DENND2B: variants seen among roughly 807,000 people sequenced by gnomAD.
DENND2B encodes the protein DENN domain-containing protein 2B.
DENND2B carries 32 observed loss-of-function variants against 116.0 expected under a neutral mutation model. That is an observed-to-expected ratio of 0.28 (90% CI 0.21 to 0.37). The LOEUF (loss-of-function observed/expected upper bound fraction) is 0.37, where lower values mean the gene tolerates loss of function less well. Ranked by LOEUF, DENND2B falls within the 10% of genes least tolerant of loss-of-function variation. The pLI is 1.00. For missense variants in DENND2B, 1,276 were observed against 1,477.7 expected (o/e 0.86, Z 2.24); for synonymous variants, 588 against 583.9 (o/e 1.01, Z -0.10).
intron 1 of DENND2B, among the ~76,000 whole-genome samples, chr11:8,904,292 T>G (rs891210869): frequency 6.6e-5 from 10 of 152,190 alleles, no homozygotes; most frequent in African/African-American, 2.4e-4. Flanking sequence ...ATCACATCAA[T>G]GGACATACAA....
intron 1 of DENND2B, among the ~76,000 whole-genome samples, chr11:8,767,179 C>A (rs901653672): frequency 1.3e-5 from 2 of 152,140 alleles, no homozygotes; most frequent in Non-Finnish European, 2.9e-5. Flanking sequence ...GAGGGACAGA[C>A]TATCAGTTTG....
rs971755978 is a variant in DENND2B at position 8,736,510 on chromosome 11, A to G, written c.81-5301T>C. Among the ~76,000 whole-genome samples the G allele has an allele frequency of 1.1e-4, 17 of 152,332 alleles. No individual in the cohort carries two copies. In the South Asian group the frequency reaches 1.9e-3, roughly 17 times the overall value. On this transcript the variant is annotated intron_variant, in intron 2 of 19. Coordinates refer to ENST00000313726, the MANE Select transcript of DENND2B (RefSeq NM_213618.2). ...ACTCTGTGAGACGGTTTGGGGGCCA[A>G]TAAAGAAGAATAAAGAAGGGGAAAG...
In DENND2B at chr11:8,701,279, C is replaced by T. The variant is rs1337825558; in HGVS notation, c.2720+1293G>A. 2.1e-5 allele frequency among the ~76,000 whole-genome samples: 3 copies of T among 143,150 alleles called. No homozygotes were observed. The Admixed American group carries it at 2.3e-4, about 11-fold the overall frequency. The allele number at this position is 143,150 out of a possible 152,430, so 93.9% of individuals were successfully genotyped here. A position where few individuals can be genotyped will look rare whatever the true frequency, so the allele number is the denominator to read the frequency against. ...AGCATGGCTGCCCCGCATATTCCCA[C>T]GTGTGTAGAACATCAGGCGCCCTAC... On this transcript the variant is annotated intron_variant, in intron 14 of 19. Transcript: ENST00000313726.
intron 2 of DENND2B, among the ~76,000 whole-genome samples, chr11:8,865,370 C>A (rs1044693910): frequency 6.6e-6 from 1 of 152,132 alleles, no homozygotes; most frequent in Non-Finnish European, 1.5e-5. Flanking sequence ...CTCCAAAAGG[C>A]TCCTTCCAGT....
chr11:8,746,059 A>G (rs900875252), intron 2 of DENND2B, among the ~76,000 whole-genome samples: 1 of 151,666 alleles, frequency 6.6e-6, no homozygotes, highest in Non-Finnish European at 1.5e-5. Context: ...TACTGACAGC[A>G]TCATGGTTGG....
chr11:8,697,607 C>T lies in DENND2B; in HGVS notation c.2970G>A (p.Arg990=). The change falls in exon 17 of 20, where the codon AGG becomes AGA. Residue 990 remains arginine (R), a synonymous_variant. Transcript: ENST00000313726. ...CCTGCTCCAGAGCTGCCTGTAACTT[C>T]CTAGGTAACAACGTGTCTTCGTCGT... ...QMDDEDTLLP[R]KLQAALEQAL... is the part of the protein sequence containing the mutation. The T allele has an allele frequency of 6.2e-7, 1 of 1,614,200 alleles. No homozygotes were observed. The highest frequency in any genetic ancestry group is 2.2e-5 in the East Asian group (1 of 44,888).
intron 8 of DENND2B, among the ~76,000 whole-genome samples, chr11:8,713,566 G>A (rs769030247): frequency 8.5e-5 from 13 of 152,142 alleles, no homozygotes; most frequent in Non-Finnish European, 5.9e-5. Flanking sequence ...TATTTTAGTA[G>A]AGATGGGGTT....
At chr11:8,860,732 C>T (rs1317232122) in intron 2 of DENND2B, among the ~76,000 whole-genome samples, 1 of 152,064 alleles carries the variant, frequency 6.6e-6, no homozygotes, top group Admixed American at 6.6e-5. Flanking sequence ...GCCCAAATAG[C>T]CAAAGCAATC....
At chr11:8,785,121 T>C (rs1010155104) in intron 1 of DENND2B, 17 of 152,090 alleles carry the variant, frequency 1.1e-4, no homozygotes, top group East Asian at 3.9e-4. Context: ...CGGGTGTCCA[T>C]TGAAATTAAG....
At chr11:8,776,156 GCGCGCACACACACA>G (rs1763536399) in intron 1 of DENND2B, 376 of 317,538 alleles carry the variant, frequency 1.2e-3, no homozygotes, top group Middle Eastern at 2.9e-3. Flanking sequence ...GCACGCGCGC[GCGCGCACACACACA>G]CACACACACA....
intron 1 of DENND2B, among the ~76,000 whole-genome samples, chr11:8,781,615 TACAC>T (rs35118063): frequency 0.01 from 1,510 of 148,518 alleles, 27 homozygotes; most frequent in African/African-American, 0.034. Flanking sequence ...AATTTAGGAA[TACAC>T]ACACACACAC....
At chr11:8,860,912 A>G in intron 2 of DENND2B, among the ~76,000 whole-genome samples, 1 of 152,188 alleles carries the variant, frequency 6.6e-6, no homozygotes, top group African/African-American at 2.4e-5. Context: ...CCTTCAACAA[A>G]GCAAACAAAA....
intron 9 of DENND2B, chr11:8,711,771 G>C: frequency 3.6e-6 from 1 of 276,962 alleles, no homozygotes; most frequent in South Asian, 3.6e-5. Flanking sequence ...GGAGGCTGAG[G>C]CAGGAGAATC....
At chr11:8,816,935 A>G (rs2061588361) in intron 4 of DENND2B, among the ~76,000 whole-genome samples, 1 of 152,076 alleles carries the variant, frequency 6.6e-6, no homozygotes, top group African/African-American at 2.4e-5. Context: ...CAGCAGAAAG[A>G]CTCCTTTCAG....
At chr11:8,901,778 GT>G (rs1435605238) in intron 1 of DENND2B, among the ~76,000 whole-genome samples, 1 of 152,136 alleles carries the variant, frequency 6.6e-6, no homozygotes, top group East Asian at 1.9e-4. Context: ...TCCCCAAATT[GT>G]CTATTGTTGA....
At chr11:8,731,433 C>G (rs192400135) in intron 2 of DENND2B, among the ~76,000 whole-genome samples, 1 of 152,316 alleles carries the variant, frequency 6.6e-6, no homozygotes, top group Non-Finnish European at 1.5e-5. Flanking sequence ...CCCAAACCAT[C>G]CCCAGGCACC....
chr11:8,740,537 T>C (rs1227896516), intron 2 of DENND2B, among the ~76,000 whole-genome samples: 1 of 152,094 alleles, frequency 6.6e-6, no homozygotes, highest in Non-Finnish European at 1.5e-5. Flanking sequence ...CAAGTGTTAG[T>C]AACAAGAAGG....
Position 8,909,406 on chromosome 11 carries a change from GGAA to G in DENND2B, c.-256+1412_-256+1414del, listed in dbSNP as rs1371635786. Among the ~76,000 whole-genome samples, 722 of 124,774 alleles carry G rather than the reference GGAA, an allele frequency of 5.8e-3. 5 individuals are homozygous for G. Among genetic ancestry groups the G allele is most frequent in the African/African-American group, 0.017 (602 of 36,232 alleles). The allele number at this position is 124,774 out of a possible 152,430, so 81.9% of individuals were successfully genotyped here. ...GAAGAAGAAGGAAGAAGGAAGAAGAGGAAGAAGAGGAAGAGGAAGGAGGAGGAG... is the reference window on the plus strand; with the variant it reads ...GAAGAAGAAGGAAGAAGGAAGAAGAGGAAGAGGAAGAGGAAGGAGGAGGAG... On this transcript the variant is annotated intron_variant, in intron 1 of 22. Coordinates refer to the DENND2B transcript ENST00000534127.
chr11:8,719,670 C>G (rs2045800113), intron 4 of DENND2B, among the ~76,000 whole-genome samples: 1 of 152,206 alleles, frequency 6.6e-6, no homozygotes, highest in Admixed American at 6.5e-5. Context: ...GATGGATTCT[C>G]TACTTCTTGA....
Sources: allele counts gnomAD v4.1 joint callset (sites outside exome capture counted in the v4.1 genomes callset), GRCh38; gene constraint gnomAD v4.1.1; transcripts MANE v1.5; gene names NCBI Gene and HGNC (gene_info 2026-07-23, HGNC 2026-07-21).